Variants in KCNQ3 observed in about 807,000 individuals in gnomAD.
KCNQ3 encodes the protein potassium voltage-gated channel subfamily Q member 3.
Under a neutral mutation model 92.5 loss-of-function variants are expected in KCNQ3, and 30 were observed. The observed-to-expected ratio is 0.32, with a 90% CI of 0.24 to 0.44. The LOEUF (loss-of-function observed/expected upper bound fraction) is 0.44, where lower values mean the gene tolerates loss of function less well. Ranked by LOEUF, KCNQ3 falls within the 20% of genes least tolerant of loss-of-function variation. The pLI is 1.00. For synonymous variants in KCNQ3, 450 were observed against 468.8 expected (o/e 0.96, Z 0.52); for missense variants, 913 against 1,140.3 (o/e 0.80, Z 2.87).
chr8:132,261,944 T>G (rs1314829698), intron 1 of KCNQ3, among the ~76,000 whole-genome samples: 6 of 152,166 alleles, frequency 3.9e-5, no homozygotes, highest in Non-Finnish European at 8.8e-5. Context: ...AGCACCAAAG[T>G]GGACAAAACC....
rs1444954811 is a variant in KCNQ3, at chr8:132,386,665, TA to T, written c.386+93481del. Among the ~76,000 whole-genome samples, 9 of 152,152 alleles carry T rather than the reference TA, an allele frequency of 5.9e-5. No individual in the cohort carries two copies. In the East Asian group the frequency reaches 1.2e-3, roughly 19 times the overall value. On this transcript the variant is annotated intron_variant, in intron 1 of 14. Transcript: ENST00000388996. Reference sequence around the variant, plus strand: ...GAGGTTTATTTCTATGCTATTGATATAAAAAATTGGAAACAGATATCAAACT... The same window carrying T: ...GAGGTTTATTTCTATGCTATTGATATAAAAATTGGAAACAGATATCAAACT...
chr8:132,201,262 G>A (rs982224661), intron 1 of KCNQ3, among the ~76,000 whole-genome samples: 2 of 152,070 alleles, frequency 1.3e-5, no homozygotes, highest in African/African-American at 4.8e-5. Context: ...ACTTCATATT[G>A]TGCCACCCTT....
intron 1 of KCNQ3, among the ~76,000 whole-genome samples, chr8:132,424,755 C>T (rs1226392859): frequency 6.6e-6 from 1 of 152,210 alleles, no homozygotes; most frequent in Admixed American, 6.5e-5. Flanking sequence ...CTTCCAATTT[C>T]TGGTGACATC....
chr8:132,405,273 T>C (rs1820446130), intron 1 of KCNQ3, among the ~76,000 whole-genome samples: 1 of 152,190 alleles, frequency 6.6e-6, no homozygotes, highest in African/African-American at 2.4e-5. Flanking sequence ...GCCCTCATGC[T>C]GCAAGGGCGG....
chr8:132,480,670 ACCC>A lies in KCNQ3; in HGVS notation c.-141_-139del. ...TGCCATGATCCGCGCGCCCCTCCCC[ACCC>A]CCCCCCAAAAGCAGGCAAAGGCGGG... On this transcript the variant is annotated 5_prime_UTR_variant, in exon 1 of 15. Coordinates refer to ENST00000388996, the MANE Select transcript of KCNQ3 (RefSeq NM_004519.4). The A allele has an allele frequency of 1.4e-6, 1 of 723,898 alleles. No individual in the cohort carries two copies. The highest frequency in any genetic ancestry group is 5.2e-5 in the South Asian group (1 of 19,186). The allele number at this position is 723,898 out of a possible 1,614,324, so 44.8% of individuals were successfully genotyped here.
intron 1 of KCNQ3, among the ~76,000 whole-genome samples, chr8:132,306,854 T>G (rs918759014): frequency 6.6e-6 from 1 of 152,196 alleles, no homozygotes; most frequent in African/African-American, 2.4e-5. Flanking sequence ...CTTGACAGCA[T>G]TTTTTTATAT....
intron 1 of KCNQ3, among the ~76,000 whole-genome samples, chr8:132,436,162 A>C (rs2130830689): frequency 6.6e-6 from 1 of 152,338 alleles, no homozygotes; most frequent in South Asian, 2.1e-4. Context: ...GAATTAATGT[A>C]GTTTCTTAGT....
intron 1 of KCNQ3, among the ~76,000 whole-genome samples, chr8:132,451,766 T>A (rs1821825476): frequency 1.3e-5 from 2 of 152,138 alleles, no homozygotes; most frequent in Admixed American, 6.5e-5. Flanking sequence ...CCCACGACAT[T>A]TTCTCCATTT....
At chr8:132,476,733 T>C (rs1288283649) in intron 1 of KCNQ3, among the ~76,000 whole-genome samples, 1 of 152,210 alleles carries the variant, frequency 6.6e-6, no homozygotes, top group Non-Finnish European at 1.5e-5. Context: ...AGATGAGACT[T>C]TGGACTTAGA....
chr8:132,192,624 T>C (rs898741457), intron 1 of KCNQ3, among the ~76,000 whole-genome samples: 2 of 152,120 alleles, frequency 1.3e-5, no homozygotes, highest in African/African-American at 4.8e-5. Context: ...TTCCCTATAG[T>C]CTGGTGTTTC....
chr8:132,134,762 T>C (rs1243586593), intron 12 of KCNQ3, among the ~76,000 whole-genome samples: 2 of 151,300 alleles, frequency 1.3e-5, no homozygotes, highest in African/African-American at 2.4e-5. Context: ...TTTTTTTTTT[T>C]CATAGGAAAT....
chr8:132,359,163 C>G (rs1819096785), intron 1 of KCNQ3, among the ~76,000 whole-genome samples: 1 of 125,230 alleles, frequency 8.0e-6, no homozygotes. Flanking sequence ...CATCACATAA[C>G]TTGACAGTTT....
In KCNQ3 at chr8:132,445,587, A is replaced by C. The variant is rs867875831; in HGVS notation, c.386+34560T>G. ...TCTAATAAGCAGTAAAGCCATGAAG[A>C]CATCTTCCCCAATCCTCCAAATCAA... On this transcript the variant is annotated intron_variant, in intron 1 of 14. Coordinates refer to ENST00000388996, the MANE Select transcript of KCNQ3 (RefSeq NM_004519.4). 1.8e-4 allele frequency among the ~76,000 whole-genome samples: 28 copies of C among 152,284 alleles called. 1 individual carries two copies. The highest frequency in any genetic ancestry group is 3.4e-3 in the Middle Eastern group (1 of 294).
intron 1 of KCNQ3, among the ~76,000 whole-genome samples, chr8:132,258,690 A>G (rs1325565330): frequency 6.6e-6 from 1 of 152,080 alleles, no homozygotes; most frequent in Non-Finnish European, 1.5e-5. Context: ...ACAGAAAAAC[A>G]ACAGAGAAAT....
chr8:132,254,438 A>T (rs1815513467), intron 1 of KCNQ3, among the ~76,000 whole-genome samples: 1 of 152,222 alleles, frequency 6.6e-6, no homozygotes. Context: ...GATGCTACTA[A>T]CATGATCATG....
intron 1 of KCNQ3, among the ~76,000 whole-genome samples, chr8:132,192,976 C>G (rs979131651): frequency 5.9e-5 from 9 of 152,258 alleles, no homozygotes; most frequent in Admixed American, 5.9e-4. Flanking sequence ...GTTTCCTTTC[C>G]TCTGCTCTTC....
chr8:132,348,102 T>C (rs1254442530), intron 1 of KCNQ3, among the ~76,000 whole-genome samples: 1 of 152,048 alleles, frequency 6.6e-6, no homozygotes. Context: ...TTTCCTACAT[T>C]GTAATTTATA....
At chr8:132,471,237 G>A (rs1476074937) in intron 1 of KCNQ3, among the ~76,000 whole-genome samples, 1 of 152,150 alleles carries the variant, frequency 6.6e-6, no homozygotes, top group South Asian at 2.1e-4. Flanking sequence ...CTCTTCTATT[G>A]AGTACACCAC....
chr8:132,182,593 T>A (rs919154443), intron 3 of KCNQ3, among the ~76,000 whole-genome samples: 6 of 152,240 alleles, frequency 3.9e-5, no homozygotes, highest in African/African-American at 1.4e-4. Context: ...CCAGCAGGGA[T>A]CTGGGCTCCC....
Sources: gnomAD v4.1 joint callset for allele counts (sites outside exome capture counted in the v4.1 genomes callset) on GRCh38, gnomAD v4.1.1 for gene constraint, MANE v1.5 for transcripts, NCBI Gene and HGNC (gene_info 2026-07-23, HGNC 2026-07-21) for gene names.